Variants in LRRTM3 observed in about 807,000 individuals in gnomAD.
The protein encoded by LRRTM3 is leucine-rich repeat transmembrane neuronal protein 3.
Under a neutral mutation model 44.7 loss-of-function variants are expected in LRRTM3, and 24 were observed. The observed-to-expected ratio is 0.54, with a 90% confidence interval of 0.39 to 0.76. The LOEUF is 0.76. Ranked by LOEUF, LRRTM3 falls within the 30% of genes least tolerant of loss-of-function variation. The pLI, the probability that LRRTM3 is intolerant of heterozygous loss-of-function variation, is 0.00. For missense variants in LRRTM3, 587 were observed against 702.2 expected (o/e 0.84, Z 1.85); for synonymous variants, 277 against 278.7 (o/e 0.99, Z 0.06).
At chr10:67,028,360 G>A (rs1853516021) in intron 2 of LRRTM3, among the ~76,000 whole-genome samples, 1 of 152,018 alleles carries the variant, frequency 6.6e-6, no homozygotes, top group Non-Finnish European at 1.5e-5. Flanking sequence ...TAGATTTGGA[G>A]AGTACCTATC....
intron 2 of LRRTM3, among the ~76,000 whole-genome samples, chr10:66,956,025 A>C (rs1225940072): frequency 6.6e-6 from 1 of 152,190 alleles, no homozygotes; most frequent in Non-Finnish European, 1.5e-5. Flanking sequence ...GGAATTCTGC[A>C]GAAGCTGACA....
At chr10:67,078,978 C>T (rs1856891388) in intron 2 of LRRTM3, among the ~76,000 whole-genome samples, 2 of 152,158 alleles carry the variant, frequency 1.3e-5, no homozygotes, top group South Asian at 4.1e-4. Flanking sequence ...CATAATTTGG[C>T]TCCCATTAAG....
rs528214324 is a variant in LRRTM3, at chr10:66,986,289, C to T, written c.1536+57837C>T. The stretch of plus-strand genomic sequence containing the variant: ...GAGGCAGGCAGTTCACTTGAGGCCA[C>T]GAGTTCCAGACAGCCTGGGCAACAT... On this transcript the variant is annotated intron_variant, in intron 2 of 2. Coordinates refer to ENST00000361320, the MANE Select transcript of LRRTM3 (RefSeq NM_178011.5). 1.8e-4 allele frequency among the ~76,000 whole-genome samples: 27 copies of T among 152,032 alleles called. 1 individual carries two copies. The South Asian group carries it at 4.8e-3, about 27-fold the overall frequency.
In LRRTM3 at chr10:66,926,068, G is replaced by A. The variant is rs1404913915; in HGVS notation, c.-516G>A. ...CGAGCAGCTTTCAGAATGACAGTCT[G>A]CAGAAGTGAGCTGAGCGTGTGCGCG... On this transcript the variant is annotated 5_prime_UTR_variant, in exon 1 of 3. Transcript: ENST00000361320. The A allele has an allele frequency of 8.7e-6, 4 of 457,430 alleles. No individual in the cohort carries two copies. Among genetic ancestry groups the A allele is most frequent in the South Asian group, 6.2e-5 (4 of 64,578 alleles). The allele number at this position is 457,430 out of a possible 1,614,324, so 28.3% of individuals were successfully genotyped here. A position where few individuals can be genotyped will look rare whatever the true frequency, so the allele number is the denominator to read the frequency against.
chr10:67,082,080 T>C (rs1280170014), intron 2 of LRRTM3, among the ~76,000 whole-genome samples: 1 of 152,190 alleles, frequency 6.6e-6, no homozygotes, highest in Non-Finnish European at 1.5e-5. Flanking sequence ...TGATTGCAGA[T>C]TGCAGTCAGC....
chr10:67,066,194 G>GGTT, intron 2 of LRRTM3, among the ~76,000 whole-genome samples: 1 of 73,364 alleles, frequency 1.4e-5, no homozygotes, highest in African/African-American at 8.5e-5. Flanking sequence ...GAAGTCACTG[G>GGTT]CTTTTTTTTT....
chr10:66,965,331 T>C (rs1301214799), intron 2 of LRRTM3, among the ~76,000 whole-genome samples: 1 of 151,998 alleles, frequency 6.6e-6, no homozygotes, highest in Non-Finnish European at 1.5e-5. Context: ...GGTCAAGAGA[T>C]CCAGACGATC....
At chr10:66,968,068 G>A (rs1314597421) in intron 2 of LRRTM3, among the ~76,000 whole-genome samples, 1 of 152,018 alleles carries the variant, frequency 6.6e-6, no homozygotes, top group Non-Finnish European at 1.5e-5. Flanking sequence ...CCACTTGGAA[G>A]TAGTTCTTTG....
Position 66,963,938 on chromosome 10 carries a change from G to A in LRRTM3, c.1536+35486G>A, listed in dbSNP as rs545294609. On this transcript the variant is annotated intron_variant, in intron 2 of 2. Transcript: ENST00000361320. ...GTTCACTGAAACCTCCAACTCCCTG[G>A]TTCAAGCAAGCAATTCTCCTGTCTC... is the stretch of plus-strand genomic sequence containing the variant. Among the ~76,000 whole-genome samples the A allele has an allele frequency of 5.1e-4, 78 of 151,770 alleles. 1 individual carries two copies. The highest frequency in any genetic ancestry group is 1.8e-3 in the African/African-American group (73 of 41,356).
intron 2 of LRRTM3, among the ~76,000 whole-genome samples, chr10:67,035,109 T>A (rs1304471903): frequency 6.6e-6 from 1 of 152,230 alleles, no homozygotes; most frequent in Admixed American, 6.5e-5. Flanking sequence ...TGTATTGAAT[T>A]ATCTGTGCAT....
At chr10:67,026,001 C>G (rs573187877) in intron 2 of LRRTM3, among the ~76,000 whole-genome samples, 1 of 149,840 alleles carries the variant, frequency 6.7e-6, no homozygotes, top group Non-Finnish European at 1.5e-5. Context: ...AGTAAACTAT[C>G]GCAAGGACAA....
intron 2 of LRRTM3, among the ~76,000 whole-genome samples, chr10:66,986,619 A>G (rs1209624632): frequency 6.6e-6 from 1 of 152,178 alleles, no homozygotes; most frequent in Non-Finnish European, 1.5e-5. Context: ...ACAAAATGAT[A>G]CCTCATTTTA....
At chr10:66,978,065 TATACACACAC>T (rs758707482) in intron 2 of LRRTM3, among the ~76,000 whole-genome samples, 125 of 41,752 alleles carry the variant, frequency 3.0e-3, no homozygotes, top group Non-Finnish European at 6.0e-3. Context: ...TATATATATA[TATACACACAC>T]ACACACACAC....
intron 2 of LRRTM3, among the ~76,000 whole-genome samples, chr10:66,929,017 C>T (rs1847226916): frequency 6.6e-6 from 1 of 152,176 alleles, no homozygotes. Flanking sequence ...TAGGTTAAAG[C>T]AGCACCCTGA....
At chr10:67,059,024 C>G (rs192535003) in intron 2 of LRRTM3, among the ~76,000 whole-genome samples, 51 of 152,286 alleles carry the variant, frequency 3.3e-4, no homozygotes, top group Admixed American at 2.8e-3. Context: ...GCTAATGCAG[C>G]CTTCTAAGAA....
At chr10:67,053,711 A>G (rs1324425493) in intron 2 of LRRTM3, among the ~76,000 whole-genome samples, 1 of 152,204 alleles carries the variant, frequency 6.6e-6, no homozygotes, top group Non-Finnish European at 1.5e-5. Context: ...AAACAAATGA[A>G]AAAATAAATG....
chr10:67,064,957 G>T (rs1170094225), intron 2 of LRRTM3, among the ~76,000 whole-genome samples: 1 of 152,120 alleles, frequency 6.6e-6, no homozygotes, highest in African/African-American at 2.4e-5. Context: ...GCATGTAACT[G>T]CCCAGACCCT....
chr10:67,065,664 C>T (rs995495488), intron 2 of LRRTM3, among the ~76,000 whole-genome samples: 3 of 152,044 alleles, frequency 2.0e-5, no homozygotes, highest in African/African-American at 7.2e-5. Context: ...GTCCTCCATG[C>T]CCTTTCCCCA....
intron 2 of LRRTM3, among the ~76,000 whole-genome samples, chr10:67,000,635 GCCT>G (rs68056118): frequency 0.37 from 56,652 of 151,772 alleles, 10,989 homozygotes; most frequent in Middle Eastern, 0.58. Flanking sequence ...CAGATCTGCT[GCCT>G]CCTATTACAG....
Sources: gnomAD v4.1 joint callset for allele counts (sites outside exome capture counted in the v4.1 genomes callset) on GRCh38, gnomAD v4.1.1 for gene constraint, MANE v1.5 for transcripts, NCBI Gene and HGNC (gene_info 2026-07-23, HGNC 2026-07-21) for gene names.